Variants in KLHL32 observed in about 807,000 individuals in gnomAD.
The protein encoded by KLHL32 is kelch like family member 32.
KLHL32 carries 35 observed loss-of-function variants against 64.8 expected under a neutral mutation model. The ratio of observed to expected loss-of-function variants is 0.54; its 90% confidence interval spans 0.41 to 0.72. The LOEUF (loss-of-function observed/expected upper bound fraction) is 0.72. KLHL32 is among the 30% of genes least tolerant of loss of function. The pLI is 0.00. For synonymous variants in KLHL32, 259 were observed against 281.0 expected (o/e 0.92, Z 0.78); for missense variants, 589 against 768.5 (o/e 0.77, Z 2.76).
intron 2 of KLHL32, among the ~76,000 whole-genome samples, chr6:96,967,702 A>G (rs1774620639): frequency 6.6e-6 from 1 of 152,172 alleles, no homozygotes; most frequent in African/African-American, 2.4e-5. Context: ...TAAAATGTAT[A>G]TTCTATGGCG....
chr6:96,997,199 A>G (rs1014835482), intron 3 of KLHL32, among the ~76,000 whole-genome samples: 5 of 152,120 alleles, frequency 3.3e-5, no homozygotes, highest in Admixed American at 1.3e-4. Context: ...TATGTGTATG[A>G]AGATGTCTGT....
At chr6:97,094,239 A>C (rs1331406415) in intron 6 of KLHL32, among the ~76,000 whole-genome samples, 4 of 152,248 alleles carry the variant, frequency 2.6e-5, no homozygotes, top group East Asian at 1.9e-4. Flanking sequence ...CAGACCATAG[A>C]GATTTGCTAT....
intron 1 of KLHL32, among the ~76,000 whole-genome samples, chr6:96,948,219 A>T (rs1014270059): frequency 8.5e-5 from 13 of 152,312 alleles, no homozygotes; most frequent in Non-Finnish European, 1.8e-4. Context: ...TGTGAATTTT[A>T]GTCAGACTTA....
chr6:97,034,456 G>A (rs1440217254), intron 3 of KLHL32, among the ~76,000 whole-genome samples: 1 of 152,034 alleles, frequency 6.6e-6, no homozygotes, highest in East Asian at 1.9e-4. Context: ...GATGCCTCCA[G>A]CATGTTCTTT....
rs1217093636 is a variant in KLHL32, at chr6:96,987,888, C to G, written c.204+11711C>G. On this transcript the variant is annotated intron_variant, in intron 3 of 10. Coordinates refer to ENST00000369261, the MANE Select transcript of KLHL32 (RefSeq NM_052904.4). ...TATTTAATAAATGGTGCTGGGAAAACTGGCTAGCCATATGTAGAAAGCTGA... is the reference window on the plus strand; with the variant it reads ...TATTTAATAAATGGTGCTGGGAAAAGTGGCTAGCCATATGTAGAAAGCTGA... 1.2e-4 allele frequency among the ~76,000 whole-genome samples: 19 copies of G among 152,328 alleles called. No homozygotes were observed. The South Asian group carries it at 3.9e-3, about 32-fold the overall frequency.
intron 5 of KLHL32, among the ~76,000 whole-genome samples, chr6:97,066,850 G>A (rs1201531422): frequency 6.6e-6 from 1 of 152,108 alleles, no homozygotes; most frequent in Admixed American, 6.5e-5. Flanking sequence ...TTAATTTAAT[G>A]TGGGACTATT....
chr6:97,133,838 G>T (rs199840742), intron 10 of KLHL32, among the ~76,000 whole-genome samples: 29 of 152,232 alleles, frequency 1.9e-4, no homozygotes, highest in East Asian at 1.5e-3. Flanking sequence ...ATGGATATGG[G>T]TTCTGACTGA....
intron 3 of KLHL32, among the ~76,000 whole-genome samples, chr6:97,024,107 G>A (rs1782386338): frequency 6.6e-6 from 1 of 152,200 alleles, no homozygotes; most frequent in Admixed American, 6.5e-5. Context: ...TATCTGTTAG[G>A]AAGAGGACTC....
At chr6:97,100,558 A>C (rs1795569939) in intron 6 of KLHL32, among the ~76,000 whole-genome samples, 2 of 152,046 alleles carry the variant, frequency 1.3e-5, no homozygotes, top group Admixed American at 1.3e-4. Flanking sequence ...ACCTTTGACT[A>C]TTCTTTTATT....
chr6:97,107,681 C>T (rs997314206), intron 6 of KLHL32, among the ~76,000 whole-genome samples: 1 of 152,126 alleles, frequency 6.6e-6, no homozygotes, highest in African/African-American at 2.4e-5. Context: ...GTTTAGGGCA[C>T]TGTATGCTGC....
intron 3 of KLHL32, among the ~76,000 whole-genome samples, chr6:97,000,800 G>T (rs1408205171): frequency 1.3e-5 from 2 of 152,150 alleles, no homozygotes; most frequent in African/African-American, 4.8e-5. Context: ...TACTCAGTAG[G>T]TGAATAGGTA....
chr6:97,063,762 A>G (rs1313747819), intron 4 of KLHL32, among the ~76,000 whole-genome samples: 2 of 152,222 alleles, frequency 1.3e-5, no homozygotes, highest in Admixed American at 6.5e-5. Context: ...GGTGATGCCA[A>G]TGCTGCTGGT....
chr6:97,012,029 G>T (rs191883533), intron 3 of KLHL32, among the ~76,000 whole-genome samples: 1 of 152,216 alleles, frequency 6.6e-6, no homozygotes, highest in Admixed American at 6.5e-5. Context: ...AATCAATCAC[G>T]TAACTGCTGA....
chr6:96,975,484 A>G (rs1562206264), intron 2 of KLHL32, among the ~76,000 whole-genome samples: 1 of 152,112 alleles, frequency 6.6e-6, no homozygotes, highest in Admixed American at 6.6e-5. Context: ...TTGTCCTAAC[A>G]TTTGCTCAGT....
chr6:97,067,945 G>C (rs554929891), intron 5 of KLHL32, among the ~76,000 whole-genome samples: 1 of 151,978 alleles, frequency 6.6e-6, no homozygotes, highest in Non-Finnish European at 1.5e-5. Flanking sequence ...CCTCAGTGGC[G>C]GGCAGAGCCT....
At chr6:97,081,739 G>C (rs1230473761) in intron 5 of KLHL32, among the ~76,000 whole-genome samples, 1 of 152,148 alleles carries the variant, frequency 6.6e-6, no homozygotes, top group Non-Finnish European at 1.5e-5. Flanking sequence ...CTCAGTTATA[G>C]TTTTCCATGT....
intron 4 of KLHL32, among the ~76,000 whole-genome samples, chr6:97,043,109 C>A (rs1339304054): frequency 6.6e-6 from 1 of 152,216 alleles, no homozygotes; most frequent in Admixed American, 6.5e-5. Context: ...GAAGCAGATG[C>A]TGGAGCTATG....
chr6:97,089,761 T>C (rs1221428763), intron 6 of KLHL32, among the ~76,000 whole-genome samples: 1 of 141,670 alleles, frequency 7.1e-6, no homozygotes, highest in African/African-American at 2.6e-5. Context: ...GCTGGGATGA[T>C]AGAATGAAAC....
chr6:97,085,026 T>G, intron 5 of KLHL32, 100 bp from the exon 6 acceptor site: 1 of 944,430 alleles, frequency 1.1e-6, no homozygotes, highest in South Asian at 1.5e-5. Flanking sequence ...CTCCCACCAC[T>G]GTGATGAAAA....
Sources: allele counts gnomAD v4.1 joint callset (sites outside exome capture counted in the v4.1 genomes callset), GRCh38; gene constraint gnomAD v4.1.1; transcripts MANE v1.5; gene names NCBI Gene and HGNC (gene_info 2026-07-23, HGNC 2026-07-21).